Variants in GPR139 observed in about 807,000 individuals in gnomAD.
GPR139 encodes probable G protein-coupled receptor 139.
A neutral mutation model predicts 25.8 loss-of-function variants in GPR139; 12 were observed. The ratio of observed to expected loss-of-function variants is 0.47; its 90% CI spans 0.30 to 0.75. GPR139 has a LOEUF of 0.75. GPR139 is among the 30% of genes least tolerant of loss of function. The pLI is 0.07. For missense variants in GPR139, 380 were observed against 450.2 expected (o/e 0.84, Z 1.41); for synonymous variants, 184 against 179.9 (o/e 1.02, Z -0.18).
chr16:20,035,880 C>T (rs2057308255), intron 1 of GPR139, among the ~76,000 whole-genome samples: 2 of 152,140 alleles, frequency 1.3e-5, no homozygotes, highest in South Asian at 4.1e-4. Flanking sequence ...TATTAAACAG[C>T]CTTGCTGTGT....
chr16:20,069,667 T>G (rs1283196069), intron 1 of GPR139, among the ~76,000 whole-genome samples: 1 of 152,190 alleles, frequency 6.6e-6, no homozygotes, highest in African/African-American at 2.4e-5. Flanking sequence ...TTTCCTCACC[T>G]TGTCTTTCTG....
At chr16:20,058,971 T>C (rs2057401102) in intron 1 of GPR139, among the ~76,000 whole-genome samples, 2 of 152,166 alleles carry the variant, frequency 1.3e-5, no homozygotes, top group African/African-American at 4.8e-5. Flanking sequence ...GAGAACATCA[T>C]TATCCTGCTC....
intron 1 of GPR139, among the ~76,000 whole-genome samples, chr16:20,069,165 G>GA (rs1432096406): frequency 2.1e-5 from 3 of 145,922 alleles, no homozygotes; most frequent in Non-Finnish European, 4.6e-5. Context: ...TTTAAATGAT[G>GA]AAAAAATAAC....
chr16:20,034,275 C>T (rs1019387067), intron 1 of GPR139, among the ~76,000 whole-genome samples: 1 of 152,154 alleles, frequency 6.6e-6, no homozygotes, highest in African/African-American at 2.4e-5. Flanking sequence ...AAATGTCATA[C>T]AATAGTTCAC....
intron 1 of GPR139, among the ~76,000 whole-genome samples, chr16:20,051,072 A>AAAAAAAAAAAAG (rs542691880): frequency 6.9e-6 from 1 of 145,650 alleles, no homozygotes; most frequent in African/African-American, 2.5e-5. Context: ...CAAAAAAAAA[A>AAAAAAAAAAAAG]AAAGAAAGAA....
At chr16:20,068,440 G>C (rs1739032182) in intron 1 of GPR139, among the ~76,000 whole-genome samples, 1 of 151,900 alleles carries the variant, frequency 6.6e-6, no homozygotes, top group African/African-American at 2.4e-5. Flanking sequence ...AATACAATAG[G>C]TTTTTACATA....
chr16:20,050,433 A>G (rs78939091), intron 1 of GPR139, among the ~76,000 whole-genome samples: 321 of 152,282 alleles, frequency 2.1e-3, no homozygotes, highest in Middle Eastern at 0.014. Flanking sequence ...CATCTGTAAG[A>G]TTTCTGAATT....
At chr16:20,054,456 C>A (rs1157421914) in intron 1 of GPR139, among the ~76,000 whole-genome samples, 2 of 151,516 alleles carry the variant, frequency 1.3e-5, no homozygotes, top group Admixed American at 6.6e-5. Context: ...TTAGAAAACC[C>A]AAGAAAATTA....
chr16:20,045,550 T>C (rs549289564), intron 1 of GPR139, among the ~76,000 whole-genome samples: 1 of 152,302 alleles, frequency 6.6e-6, no homozygotes, highest in South Asian at 2.1e-4. Flanking sequence ...GCCAGTTGTT[T>C]TCTTTTGTAA....
chr16:20,068,011 A>G (rs1294613887), intron 1 of GPR139, among the ~76,000 whole-genome samples: 1 of 152,046 alleles, frequency 6.6e-6, no homozygotes, highest in Admixed American at 6.6e-5. Context: ...GGACAGTGAA[A>G]AAAAAGGGAG....
At chr16:20,040,115 G>C (rs572094993) in intron 1 of GPR139, among the ~76,000 whole-genome samples, 1 of 152,248 alleles carries the variant, frequency 6.6e-6, no homozygotes, top group South Asian at 2.1e-4. Context: ...AGCATCCACT[G>C]TCACCCGTGG....
intron 1 of GPR139, among the ~76,000 whole-genome samples, chr16:20,050,987 C>G (rs2057369558): frequency 1.4e-5 from 2 of 144,358 alleles, no homozygotes; most frequent in Admixed American, 7.2e-5. Flanking sequence ...TGTTTGAGCC[C>G]AAGAGGTCAA....
chr16:20,067,406 C>T (rs566030461), intron 1 of GPR139, among the ~76,000 whole-genome samples: 1 of 152,216 alleles, frequency 6.6e-6, no homozygotes, highest in African/African-American at 2.4e-5. Flanking sequence ...TGATGAAGTG[C>T]TCTTTTTCTC....
Position 20,041,237 on chromosome 16 carries a change from AGAG to A in GPR139, c.128-8571_128-8569del, listed in dbSNP as rs1567236044. Among the ~76,000 whole-genome samples the A allele has an allele frequency of 3.6e-4, 2 of 5,542 alleles. 1 individual carries two copies. The highest frequency in any genetic ancestry group is 1.4e-3 in the African/African-American group (2 of 1,470). 3.6% of individuals were successfully genotyped at this position (5,542 alleles called of 152,430 possible). On this transcript the variant is annotated intron_variant, in intron 1 of 1. Coordinates refer to ENST00000570682, the MANE Select transcript of GPR139 (RefSeq NM_001002911.4). ...AGAGGAGAGGAGAGGAGAGGAGAGG[AGAG>A]GAGAGGAGAGGGAAGGAGAAAAGAA...
rs1314862923 is a variant in GPR139 at position 20,029,339 on chromosome 16, A to G, written c.*2396T>C. On this transcript the variant is annotated 3_prime_UTR_variant, in exon 2 of 2. Transcript: ENST00000570682. The stretch of plus-strand genomic sequence containing the variant: ...CAATTAAAAATATGGAGCAGAGAGC[A>G]TGGAGAGTCACATACATATTTTCCA... Among the ~76,000 whole-genome samples the G allele has an allele frequency of 6.6e-6, 1 of 152,190 alleles. No homozygotes were observed. Among genetic ancestry groups the G allele is most frequent in the African/African-American group, 2.4e-5 (1 of 41,450 alleles).
intron 1 of GPR139, among the ~76,000 whole-genome samples, chr16:20,051,864 G>C (rs972883976): frequency 1.3e-5 from 2 of 152,118 alleles, no homozygotes; most frequent in Non-Finnish European, 2.9e-5. Context: ...ATGCCTTCTC[G>C]GCTCAGTGGT....
chr16:20,044,137 T>G (rs1655358183), intron 1 of GPR139, among the ~76,000 whole-genome samples: 1 of 152,174 alleles, frequency 6.6e-6, no homozygotes. Context: ...AGCAGTCATG[T>G]TATTAAGGAC....
chr16:20,029,936 G>A lies in GPR139; in HGVS notation c.*1799C>T, dbSNP rs985157146. Among the ~76,000 whole-genome samples, 15 of 152,160 alleles carry A rather than the reference G, an allele frequency of 9.9e-5. No individual in the cohort carries two copies. Among genetic ancestry groups the A allele is most frequent in the Admixed American group, 2.0e-4 (3 of 15,268 alleles). ...GCAATGGAATATAATCTCCAACATG[G>A]CTCTTTTTTGAGGATCTTTTGCAAA... is the stretch of plus-strand genomic sequence containing the variant. On this transcript the variant is annotated 3_prime_UTR_variant, in exon 2 of 2. Coordinates refer to ENST00000570682, the MANE Select transcript of GPR139 (RefSeq NM_001002911.4).
intron 1 of GPR139, among the ~76,000 whole-genome samples, chr16:20,049,240 A>G (rs1280854106): frequency 6.6e-6 from 1 of 152,138 alleles, no homozygotes; most frequent in Non-Finnish European, 1.5e-5. Flanking sequence ...GGATGGATAG[A>G]TGGATGGATG....
Sources: allele counts gnomAD v4.1 joint callset (sites outside exome capture counted in the v4.1 genomes callset), GRCh38; gene constraint gnomAD v4.1.1; transcripts MANE v1.5; gene names NCBI Gene and HGNC (gene_info 2026-07-23, HGNC 2026-07-21).